The following AMPH variants were observed in gnomAD, a reference collection of about 807,000 sequenced individuals.
The protein encoded by AMPH is amphiphysin.
A neutral mutation model predicts 99.1 loss-of-function variants in AMPH; 49 were observed. That is an observed-to-expected ratio of 0.49 (90% confidence interval 0.39 to 0.63). The LOEUF (loss-of-function observed/expected upper bound fraction) is 0.63. AMPH is among the 20% of genes least tolerant of loss of function. AMPH has a pLI of 0.00. For synonymous variants in AMPH, 314 were observed against 317.3 expected (o/e 0.99, Z 0.11); for missense variants, 759 against 863.4 (o/e 0.88, Z 1.52).
At chr7:38,444,663 C>A (rs28412720) in intron 11 of AMPH, among the ~76,000 whole-genome samples, 37,478 of 151,906 alleles carry the variant, frequency 0.25, 5,004 homozygotes, top group African/African-American at 0.33. Flanking sequence ...CCTACTGACA[C>A]CTTGATCTCA....
intron 20 of AMPH, among the ~76,000 whole-genome samples, chr7:38,389,188 C>T (rs1392420685): frequency 1.3e-5 from 2 of 152,188 alleles, no homozygotes; most frequent in African/African-American, 4.8e-5. Context: ...GATGCATTTA[C>T]TTGCTCTGCA....
At position 38,558,783 on chromosome 7, in the gene AMPH, C is replaced by T. The variant is rs1425945782; in HGVS notation, c.70-23772G>A. Among the ~76,000 whole-genome samples, 4 of 152,164 alleles carry T rather than the reference C, an allele frequency of 2.6e-5. No individual in the cohort carries two copies. The East Asian group carries it at 5.8e-4, about 22-fold the overall frequency. ...CACATCCTGCTGACACACTGTACTC[C>T]GGTGACCCAGGCCAGTCAACATGGG... is the stretch of plus-strand genomic sequence containing the variant. On this transcript the variant is annotated intron_variant, in intron 1 of 20. Coordinates refer to ENST00000356264, the MANE Select transcript of AMPH (RefSeq NM_001635.4).
intron 18 of AMPH, 126 bp downstream of exon 18, chr7:38,393,879 G>A: frequency 3.7e-6 from 3 of 812,306 alleles, no homozygotes; most frequent in Non-Finnish European, 4.0e-6. Flanking sequence ...ATGTTGTTTG[G>A]TGGAGTCACA....
At chr7:38,498,551 G>A (rs1789014586) in intron 3 of AMPH, among the ~76,000 whole-genome samples, 1 of 152,102 alleles carries the variant, frequency 6.6e-6, no homozygotes, top group Admixed American at 6.5e-5. Flanking sequence ...AGGTTGTAGG[G>A]AAAATTACAT....
intron 11 of AMPH, among the ~76,000 whole-genome samples, chr7:38,445,213 T>G (rs779715988): frequency 6.6e-6 from 1 of 151,784 alleles, no homozygotes; most frequent in African/African-American, 2.4e-5. Context: ...CAATGGAATA[T>G]TCATTTCTAA....
chr7:38,525,815 T>TA (rs1224982298), intron 2 of AMPH, among the ~76,000 whole-genome samples: 1 of 152,188 alleles, frequency 6.6e-6, no homozygotes, highest in Non-Finnish European at 1.5e-5. Context: ...TTCCATAGTA[T>TA]GGATATACTA....
chr7:38,391,396 T>G (rs898120909), intron 19 of AMPH, among the ~76,000 whole-genome samples: 11 of 152,214 alleles, frequency 7.2e-5, no homozygotes, highest in Non-Finnish European at 1.5e-4. Context: ...CCAGGGGATA[T>G]AGCCGAGTCA....
At position 38,509,450 on chromosome 7, in the gene AMPH, T is replaced by C. The variant is rs867073255; in HGVS notation, c.151-5746A>G. 6.1e-4 allele frequency among the ~76,000 whole-genome samples: 93 copies of C among 152,320 alleles called. 1 individual carries two copies. Among genetic ancestry groups the C allele is most frequent in the African/African-American group, 2.1e-3 (89 of 41,564 alleles). ...ACAAAGTTAGAAATCTAGCTAATAA[T>C]CATATGTACAATCTCTCCATTTATT... On this transcript the variant is annotated intron_variant, in intron 2 of 20. Coordinates refer to ENST00000356264, the MANE Select transcript of AMPH (RefSeq NM_001635.4).
intron 1 of AMPH, among the ~76,000 whole-genome samples, chr7:38,627,582 G>T (rs1794300532): frequency 6.8e-6 from 1 of 147,292 alleles, no homozygotes; most frequent in Non-Finnish European, 1.5e-5. Flanking sequence ...ATGAACCCAG[G>T]AGGTGGAGCT....
At chr7:38,387,037 G>A (rs956029663) in intron 20 of AMPH, among the ~76,000 whole-genome samples, 6 of 152,150 alleles carry the variant, frequency 3.9e-5, no homozygotes, top group Non-Finnish European at 7.3e-5. Context: ...GAAATCCTGG[G>A]CTGACCCCCA....
In AMPH at chr7:38,584,130, C is replaced by CTG. The variant is rs1792562882; in HGVS notation, c.69+47152_69+47153insCA. Among the ~76,000 whole-genome samples the CTG allele has an allele frequency of 3.9e-5, 6 of 152,246 alleles. 1 individual carries two copies. In the South Asian group the frequency reaches 1.2e-3, roughly 32 times the overall value. ...TTGTTTTTATATATTTGACTTGTTT[C>CTG]AATTCATTTTAGTCATTGTCCTTTC... On this transcript the variant is annotated intron_variant, in intron 1 of 20. Coordinates refer to ENST00000356264, the MANE Select transcript of AMPH (RefSeq NM_001635.4).
At chr7:38,419,060 T>A (rs1427661562) in intron 16 of AMPH, among the ~76,000 whole-genome samples, 1 of 151,994 alleles carries the variant, frequency 6.6e-6, no homozygotes, top group Non-Finnish European at 1.5e-5. Flanking sequence ...AAGATCCTTT[T>A]CTATCACCAG....
Position 38,618,241 on chromosome 7 carries a change from G to A in AMPH, c.69+13042C>T, listed in dbSNP as rs372404542. On this transcript the variant is annotated intron_variant, in intron 1 of 20. Transcript: ENST00000356264. ...TAAAAGAGTTGCATAGGCCAGGCGC[G>A]GTGGCTCACACCTATAATCCCAGCA... is the stretch of plus-strand genomic sequence containing the variant. 1.1e-4 allele frequency among the ~76,000 whole-genome samples: 16 copies of A among 151,844 alleles called. No individual in the cohort carries two copies. In the East Asian group the frequency reaches 1.3e-3, roughly 13 times the overall value.
At chr7:38,448,945 G>A (rs552124130) in intron 11 of AMPH, among the ~76,000 whole-genome samples, 4 of 152,208 alleles carry the variant, frequency 2.6e-5, no homozygotes, top group African/African-American at 4.8e-5. Flanking sequence ...AGTGTAGCAC[G>A]TGGGTTTTGT....
intron 1 of AMPH, among the ~76,000 whole-genome samples, chr7:38,601,004 A>G (rs994357676): frequency 5.9e-5 from 9 of 152,236 alleles, no homozygotes; most frequent in Non-Finnish European, 1.2e-4. Flanking sequence ...GCCAGTTCAC[A>G]TCTTTTCCTT....
At chr7:38,444,599 C>A (rs1016054869) in intron 11 of AMPH, among the ~76,000 whole-genome samples, 1 of 152,034 alleles carries the variant, frequency 6.6e-6, no homozygotes, top group Non-Finnish European at 1.5e-5. Flanking sequence ...CCACCAGAGG[C>A]TAGGAGAGAA....
At chr7:38,549,202 T>G (rs1353110747) in intron 1 of AMPH, among the ~76,000 whole-genome samples, 4 of 152,246 alleles carry the variant, frequency 2.6e-5, no homozygotes. Flanking sequence ...AGAAGTTGTT[T>G]TCCCCTTTTA....
chr7:38,630,298 G>A (rs1334331396), intron 1 of AMPH, among the ~76,000 whole-genome samples: 1 of 152,188 alleles, frequency 6.6e-6, no homozygotes, highest in African/African-American at 2.4e-5. Context: ...CCTTTGCTCA[G>A]GACACAAATG....
intron 2 of AMPH, among the ~76,000 whole-genome samples, chr7:38,527,473 T>C (rs1420901406): frequency 6.6e-6 from 1 of 152,236 alleles, no homozygotes; most frequent in East Asian, 1.9e-4. Flanking sequence ...TTTTGTTAAA[T>C]TTACACATAT....
Sources: allele counts gnomAD v4.1 joint callset (sites outside exome capture counted in the v4.1 genomes callset), GRCh38; gene constraint gnomAD v4.1.1; transcripts MANE v1.5; gene names NCBI Gene and HGNC (gene_info 2026-07-23, HGNC 2026-07-21).